PSMB10: variants seen among roughly 807,000 people sequenced by gnomAD.
PSMB10 encodes proteasome subunit beta type-10.
In PSMB10, 29 loss-of-function variants were observed where a neutral mutation model predicts 29.8. The observed-to-expected ratio is 0.97, with a 90% confidence interval of 0.73 to 1.33. The LOEUF (loss-of-function observed/expected upper bound fraction) is 1.33. PSMB10 is among the 40% of genes most tolerant of loss of function. The pLI, the probability that PSMB10 is intolerant of heterozygous loss-of-function variation, is 0.00. For missense variants in PSMB10, 327 were observed against 369.2 expected, an observed-to-expected ratio of 0.89 and a Z score of 0.94; for synonymous variants, 157 against 164.7, an observed-to-expected ratio of 0.95 and a Z score of 0.36.
rs144563727 is a variant in PSMB10 at position 67,935,602 on chromosome 16, C to T, written c.479G>A (p.Arg160His). 113 of 1,614,098 alleles carry T rather than the reference C, an allele frequency of 7.0e-5. 1 individual carries two copies. Among genetic ancestry groups the T allele is most frequent in the Non-Finnish European group, 9.4e-5 (111 of 1,180,048 alleles). ...YGVHPHGSYS[R>H]LPFTALGSGQ... ...CTCACCCAGGGCTGTGAAGGGCAGA[C>T]GGCTGTAGGAGCCATGGGGATGCAC... Residue 160 changes from arginine (R) to histidine (H), a missense_variant, in exon 5 of 8, where the codon CGT becomes CAT. Coordinates refer to ENST00000358514, the MANE Select transcript of PSMB10 (RefSeq NM_002801.4).
Position 67,936,436 on chromosome 16 carries a change from G to C in PSMB10, c.106C>G (p.Arg36Gly), listed in dbSNP as rs1461521363. The stretch of plus-strand genomic sequence containing the variant: ...CCCGCGATGGTGGTCCCGGTCTTGC[G>C]TGCGTGAGGGACCTTGAGCCCCGGG... ...VLPGLKVPHARKTGTTIAGLV... is the reference protein window; with the variant it reads ...VLPGLKVPHAGKTGTTIAGLV... Residue 36 changes from arginine to glycine, a missense_variant, in exon 2 of 8, where the codon CGC becomes GGC. By Grantham distance (125) the Arg-to-Gly change is moderately radical. Coordinates refer to ENST00000358514, the MANE Select transcript of PSMB10 (RefSeq NM_002801.4). 1 of 1,613,596 alleles carries C rather than the reference G, an allele frequency of 6.2e-7. No homozygotes were observed. The highest frequency in any genetic ancestry group is 1.1e-5 in the South Asian group (1 of 91,062).
rs1285142445 is a variant in PSMB10 at position 67,936,297 on chromosome 16, C to T, written c.160G>A (p.Gly54Ser). Residue 54 changes from glycine (G) to serine (S), a missense_variant, in exon 3 of 8, where the codon GGC becomes AGC. Transcript: ENST00000358514. ...TCGTTAGTGGCTCGCGTATCGGCGC[C>T]CAGAATGACCCCGTCCTGAGGAGAG... is the stretch of plus-strand genomic sequence containing the variant. ...GLVFQDGVIL[G>S]ADTRATNDSV... 6 of 1,613,526 alleles carry T rather than the reference C, an allele frequency of 3.7e-6. No individual in the cohort carries two copies. The South Asian group carries it at 6.6e-5, about 18-fold the overall frequency.
rs2058261214 is a variant in PSMB10, at chr16:67,935,880, C to T, written c.383+83G>A. 8 of 1,549,956 alleles carry T rather than the reference C, an allele frequency of 5.2e-6. No individual in the cohort carries two copies. In the East Asian group the frequency reaches 1.8e-4, roughly 35 times the overall value. Reference sequence around the variant, plus strand: ...TCCGGTCACCTGGCCCGTCGCGGTCCCGCCCTTCTTTCTGTCCCGCCTTCC... The same window carrying T: ...TCCGGTCACCTGGCCCGTCGCGGTCTCGCCCTTCTTTCTGTCCCGCCTTCC... On this transcript the variant is annotated intron_variant, in intron 4 of 7. Coordinates refer to ENST00000358514, the MANE Select transcript of PSMB10 (RefSeq NM_002801.4).
chr16:67,936,509 T>G, intron 1 of PSMB10, 24 bp from the exon 2 acceptor site: 1 of 1,599,212 alleles, frequency 6.3e-7, no homozygotes. Flanking sequence ...AGGGCGCCCA[T>G]GTTTCGGCTC....
rs199551744 is a variant in PSMB10 at position 67,935,739 on chromosome 16, G to A, written c.384-42C>T. On this transcript the variant is annotated intron_variant, in intron 4 of 7. Transcript: ENST00000358514. ...GGGGTCGGCCACAAGCTGGGGCCTA[G>A]GCCCCACCTCTCTATGCCCAGCTCC... 84 of 1,597,752 alleles carry A rather than the reference G, an allele frequency of 5.3e-5. No individual in the cohort carries two copies. In the East Asian group the frequency reaches 1.9e-3, roughly 36 times the overall value.
chr16:67,935,279 G>A, intron 6 of PSMB10, 141 bp downstream of exon 6: 1 of 1,019,644 alleles, frequency 9.8e-7, no homozygotes, highest in Non-Finnish European at 1.5e-6. Flanking sequence ...GCACTTCTCT[G>A]CCCTTACTCC....
At chr16:67,935,767 G>T in intron 4 of PSMB10, 70 bp from the exon 5 acceptor site, 1 of 1,541,564 alleles carries the variant, frequency 6.5e-7, no homozygotes, top group Non-Finnish European at 8.9e-7. Flanking sequence ...CCAGCTCCTA[G>T]GTGCTATCCC....
At chr16:67,935,305 G>T (rs1163141041) in intron 6 of PSMB10, 115 bp downstream of exon 6, 3 of 1,304,500 alleles carry the variant, frequency 2.3e-6, no homozygotes, top group Non-Finnish European at 3.2e-6. Flanking sequence ...CCCTTCAGTG[G>T]TCACCTCCTC....
intron 4 of PSMB10, 115 bp downstream of exon 4, chr16:67,935,848 G>C: frequency 6.7e-7 from 1 of 1,493,948 alleles, no homozygotes; most frequent in Non-Finnish European, 9.0e-7. Context: ...CTCTTGGGCC[G>C]GCCTCTTCCG....
Position 67,936,199 on chromosome 16 carries a change from G to A in PSMB10, c.242+16C>T, listed in dbSNP as rs770642125. 1 of 1,613,746 alleles carries A rather than the reference G, an allele frequency of 6.2e-7. No homozygotes were observed. The highest frequency in any genetic ancestry group is 8.5e-7 in the Non-Finnish European group (1 of 1,179,716). On this transcript the variant is annotated intron_variant, in intron 3 of 7. Coordinates refer to ENST00000358514, the MANE Select transcript of PSMB10 (RefSeq NM_002801.4). ...CGTTCTTTTTTGCGTACGGGAACTGGGCTCGGGAGTCTCACTAGATTTTGG... is the reference window on the plus strand; with the variant it reads ...CGTTCTTTTTTGCGTACGGGAACTGAGCTCGGGAGTCTCACTAGATTTTGG...
intron 4 of PSMB10, 66 bp downstream of exon 4, chr16:67,935,897 C>T: frequency 6.4e-7 from 1 of 1,566,528 alleles, no homozygotes; most frequent in Admixed American, 1.8e-5. Flanking sequence ...TCTTTCTGTC[C>T]CGCCTTCCAA....
rs762215006 is a variant in PSMB10, at chr16:67,934,585, G to A, written c.797C>T (p.Thr266Ile). The A allele has an allele frequency of 1.9e-6, 3 of 1,614,034 alleles. No individual in the cohort carries two copies. The African/African-American group carries it at 4.0e-5, about 22-fold the overall frequency. Reference sequence around the variant, plus strand: ...TTACTCCACCTCCATAGCCTGCACAGTTTCCTCCACTAGCTCCAGGGTTAG... The same window carrying A: ...TTACTCCACCTCCATAGCCTGCACAATTTCCTCCACTAGCTCCAGGGTTAG... ...KPLTLELVEETVQAMEVE is the reference protein window; with the variant it reads ...KPLTLELVEEIVQAMEVE The change falls in exon 8 of 8, where the codon ACT (threonine) becomes ATT (isoleucine). Residue 266 changes from threonine to isoleucine, a missense_variant. By Grantham distance (89) the Thr-to-Ile change is moderately conservative. Coordinates refer to ENST00000358514, the MANE Select transcript of PSMB10 (RefSeq NM_002801.4). The surrounding 1 kb of genome is among the most constrained non-coding windows in gnomAD (Gnocchi z 4.3).
chr16:67,935,765 T>C, intron 4 of PSMB10, 68 bp from the exon 5 acceptor site: 3 of 1,548,208 alleles, frequency 1.9e-6, no homozygotes, highest in Non-Finnish European at 1.8e-6. Context: ...GCCCAGCTCC[T>C]AGGTGCTATC....
chr16:67,935,576 G>T lies in PSMB10; in HGVS notation c.499+6C>A, dbSNP rs1408060272. On this transcript the variant is annotated splice_donor_region_variant and intron_variant, in intron 5 of 7. Transcript: ENST00000358514. ...GAGTTCGAGGAGAAGGGACAGAAGC[G>T]CTCACCCAGGGCTGTGAAGGGCAGA... is the stretch of plus-strand genomic sequence containing the variant. The T allele has an allele frequency of 1.2e-6, 2 of 1,613,828 alleles. No individual in the cohort carries two copies. The highest frequency in any genetic ancestry group is 4.5e-5 in the East Asian group (2 of 44,898).
rs370217118 is a variant in PSMB10, at chr16:67,934,835, C to T, written c.672G>A (p.Leu224=). The change falls in exon 7 of 8, where the codon CTG becomes CTA. Residue 224 remains leucine, a synonymous_variant. Coordinates refer to ENST00000358514, the MANE Select transcript of PSMB10 (RefSeq NM_002801.4). The surrounding 1 kb of genome is among the most constrained non-coding windows in gnomAD (Gnocchi z 4.3). The stretch of plus-strand genomic sequence containing the variant: ...CTGTGGGTGAGCTCAGTGTCCGCAG[C>T]AGCTTGGCGCCAGTCTTTGTGATCA... ...ACVITKTGAK[L]LRTLSSPTEP... is the part of the protein sequence containing the mutation. 4.3e-6 allele frequency: 7 copies of T among 1,613,978 alleles called. No individual in the cohort carries two copies. In the African/African-American group the frequency reaches 8.0e-5, roughly 18 times the overall value.
chr16:67,936,805 C>G lies in PSMB10; in HGVS notation c.-56G>C. ...CGGGCGGATGAGTCGGCCAGACAAG[C>G]GGGGCCAGTGAGCAGCTAAAAAGTC... On this transcript the variant is annotated 5_prime_UTR_variant, in exon 1 of 8. Transcript: ENST00000358514. The G allele has an allele frequency of 6.8e-7, 1 of 1,461,106 alleles. No homozygotes were observed. The highest frequency in any genetic ancestry group is 9.3e-7 in the Non-Finnish European group (1 of 1,070,854). The allele number at this position is 1,461,106 out of a possible 1,614,324, so 90.5% of individuals were successfully genotyped here. A position where few individuals can be genotyped will look rare whatever the true frequency, so the allele number is the denominator to read the frequency against.
rs1465011818 is a variant in PSMB10, at chr16:67,935,591, T to C, written c.490A>G (p.Thr164Ala). 18 of 1,614,078 alleles carry C rather than the reference T, an allele frequency of 1.1e-5. No homozygotes were observed. Among genetic ancestry groups the C allele is most frequent in the Non-Finnish European group, 1.3e-5 (15 of 1,180,044 alleles). The part of the protein sequence containing the change: ...PHGSYSRLPF[T>A]ALGSGQDAAL... ...GGACAGAAGCGCTCACCCAGGGCTG[T>C]GAAGGGCAGACGGCTGTAGGAGCCA... The change falls in exon 5 of 8, where the codon ACA becomes GCA. Residue 164 changes from threonine (T) to alanine (A), a missense_variant. Transcript: ENST00000358514.
In PSMB10 at chr16:67,936,743, T is replaced by C. The variant is rs2151318748; in HGVS notation, c.7A>G (p.Lys3Glu). The C allele has an allele frequency of 6.4e-7, 1 of 1,557,358 alleles. No homozygotes were observed. Among genetic ancestry groups the C allele is most frequent in the Non-Finnish European group, 8.7e-7 (1 of 1,150,134 alleles). The change falls in exon 1 of 8, where the codon AAG becomes GAG. Residue 3 changes from lysine (K) to glutamate (E), a missense_variant. By Grantham distance (56) the Lys-to-Glu change is moderately conservative. Coordinates refer to ENST00000358514, the MANE Select transcript of PSMB10 (RefSeq NM_002801.4). ML[K>E]PALEPRGGFS... ...CCCCCTCGGGGCTCCAGGGCTGGCT[T>C]CAGCATCTTGGGGCAGGCAGAGGGG...
In PSMB10 at chr16:67,934,954, G is replaced by A. The variant is rs1409479450; in HGVS notation, c.559-6C>T. 6.2e-7 allele frequency: 1 copy of A among 1,609,262 alleles called. No individual in the cohort carries two copies. Among genetic ancestry groups the A allele is most frequent in the Admixed American group, 1.7e-5 (1 of 59,972 alleles). On this transcript the variant is annotated splice_polypyrimidine_tract_variant and splice_region_variant and intron_variant, in intron 6 of 7. Coordinates refer to ENST00000358514, the MANE Select transcript of PSMB10 (RefSeq NM_002801.4). The surrounding 1 kb of genome is among the most constrained non-coding windows in gnomAD (Gnocchi z 4.3). ...AGCCCCTGAGCAGCCTCCAGCTGCGGTGATGGGTGTGTGAGACCTAACGGG... is the reference window on the plus strand; with the variant it reads ...AGCCCCTGAGCAGCCTCCAGCTGCGATGATGGGTGTGTGAGACCTAACGGG...
Sources: gnomAD v4.1 joint callset for allele counts on GRCh38, gnomAD v4.1.1 for gene constraint, Gnocchi (gnomAD v3.1) non-coding constraint, MANE v1.5 for transcripts, NCBI Gene and HGNC (gene_info 2026-07-23, HGNC 2026-07-21) for gene names.